TRPC5: variants seen among roughly 807,000 people sequenced by gnomAD.
TRPC5 encodes the protein transient receptor potential cation channel subfamily C member 5, also known as short transient receptor potential channel 5.
TRPC5 carries 9 observed loss-of-function variants against 56.5 expected under a neutral mutation model. The ratio of observed to expected loss-of-function variants is 0.16; its 90% CI spans 0.10 to 0.28. The LOEUF is 0.28. TRPC5 is among the 10% of genes least tolerant of loss of function. The probability of loss-of-function intolerance (pLI) is 1.00; values close to 1 mark genes in which losing one functional copy is unlikely to be tolerated. For missense variants in TRPC5, 469 were observed against 748.9 expected (o/e 0.63, Z 4.36); for synonymous variants, 282 against 278.5 (o/e 1.01, Z -0.13).
intron 5 of TRPC5, among the ~76,000 whole-genome samples, chrX:111,847,885 A>G (rs1446356971): frequency 1.8e-5 from 2 of 110,936 alleles, no homozygotes; most frequent in African/African-American, 6.6e-5. Flanking sequence ...AGCACCATGG[A>G]CAACGTGCTG....
intron 6 of TRPC5, among the ~76,000 whole-genome samples, chrX:111,843,905 T>C (rs1190525616): frequency 9.5e-6 from 1 of 105,202 alleles, no homozygotes; most frequent in African/African-American, 3.6e-5. Flanking sequence ...TGTGTGTGTG[T>C]GTGTGTGTGT....
At chrX:112,031,408 T>C (rs1354022479) in intron 1 of TRPC5, among the ~76,000 whole-genome samples, 2 of 111,961 alleles carry the variant, frequency 1.8e-5, no homozygotes, top group Non-Finnish European at 3.8e-5. Context: ...ACTCAGACAG[T>C]GCTTTTATTG....
chrX:111,803,620 ATG>A (rs1268468873), intron 7 of TRPC5, among the ~76,000 whole-genome samples: 1 of 112,123 alleles, frequency 8.9e-6, no homozygotes, highest in Non-Finnish European at 1.9e-5. Context: ...GCATTTTTTC[ATG>A]TGTCTTTTGG....
intron 7 of TRPC5, among the ~76,000 whole-genome samples, chrX:111,788,750 A>T: frequency 9.0e-6 from 1 of 111,351 alleles, no homozygotes; most frequent in Middle Eastern, 4.6e-3. Flanking sequence ...AAAAATCACA[A>T]GCATTCTTAT....
At position 112,062,399 on chromosome X, in the gene TRPC5, C is replaced by T. The variant is rs558718548; in HGVS notation, c.-22+19480G>A. ...TAATAATTATATAAGAGAATCACTA[C>T]GAAGGGCCAATTGTGATACTTAGAC... On this transcript the variant is annotated intron_variant, in intron 1 of 10. Coordinates refer to ENST00000262839, the MANE Select transcript of TRPC5 (RefSeq NM_012471.3). Among the ~76,000 whole-genome samples, 63 of 110,970 alleles carry T rather than the reference C, an allele frequency of 5.7e-4. No individual in the cohort carries two copies. The South Asian group carries it at 5.8e-3, about 10-fold the overall frequency.
intron 3 of TRPC5, among the ~76,000 whole-genome samples, chrX:111,878,976 A>C (rs1410302521): frequency 8.9e-6 from 1 of 112,110 alleles, no homozygotes; most frequent in African/African-American, 3.2e-5. Flanking sequence ...GCAAGTACTG[A>C]AACAATGCCA....
At chrX:112,035,456 CAT>C (rs58747733) in intron 1 of TRPC5, among the ~76,000 whole-genome samples, 12,632 of 103,374 alleles carry the variant, frequency 0.12, 920 homozygotes, top group African/African-American at 0.26. Context: ...TCCTTGAACT[CAT>C]ATATATATAT....
intron 8 of TRPC5, 73 bp downstream of exon 8, chrX:111,781,862 C>T (rs1199510042): frequency 2.0e-6 from 2 of 1,009,301 alleles, no homozygotes; most frequent in African/African-American, 1.9e-5. Flanking sequence ...TGCCACTGCA[C>T]TCCAGCCTGG....
intron 1 of TRPC5, among the ~76,000 whole-genome samples, chrX:112,058,536 T>C (rs1930390706): frequency 8.9e-6 from 1 of 111,743 alleles, no homozygotes; most frequent in Non-Finnish European, 1.9e-5. Flanking sequence ...ACTAAAAGTA[T>C]CTAAGGCATA....
chrX:111,874,503 G>A (rs1184599861), intron 3 of TRPC5, among the ~76,000 whole-genome samples: 1 of 111,755 alleles, frequency 8.9e-6, no homozygotes, highest in Non-Finnish European at 1.9e-5. Flanking sequence ...TTCCTTCTAG[G>A]GACCAGCATG....
intron 3 of TRPC5, among the ~76,000 whole-genome samples, chrX:111,888,004 G>A (rs1226754363): frequency 8.9e-6 from 1 of 111,950 alleles, no homozygotes; most frequent in African/African-American, 3.3e-5. Flanking sequence ...TTGGGAGGGG[G>A]AGGTTAAAAT....
intron 5 of TRPC5, 67 bp from the exon 6 acceptor site, chrX:111,847,503 CCTTG>C: frequency 4.8e-6 from 5 of 1,037,871 alleles, no homozygotes; most frequent in Non-Finnish European, 6.5e-6. Context: ...TCCCTTTTTT[CCTTG>C]CTTCCATACC....
intron 6 of TRPC5, among the ~76,000 whole-genome samples, chrX:111,839,247 C>T (rs1922655759): frequency 9.0e-6 from 1 of 111,681 alleles, no homozygotes; most frequent in Admixed American, 9.5e-5. Context: ...TGAAGCCCCA[C>T]CTCCTCTAGA....
In TRPC5 at chrX:112,034,297, A is replaced by G. The variant is rs1929665854; in HGVS notation, c.-22+47582T>C. Among the ~76,000 whole-genome samples, 6 of 104,654 alleles carry G rather than the reference A, an allele frequency of 5.7e-5. No individual in the cohort carries two copies. In the Admixed American group the frequency reaches 6.1e-4, roughly 11 times the overall value. The allele number at this position is 104,654 out of a possible 115,157, so 90.9% of individuals were successfully genotyped here. A position where few individuals can be genotyped will look rare whatever the true frequency, so the allele number is the denominator to read the frequency against. On this transcript the variant is annotated intron_variant, in intron 1 of 10. Transcript: ENST00000262839. ...TTTTCATTTATTGAGATTTTCTTTAATTTCTTTTATCATTTTTTGTTTTTT... is the reference window on the plus strand; with the variant it reads ...TTTTCATTTATTGAGATTTTCTTTAGTTTCTTTTATCATTTTTTGTTTTTT...
At position 111,768,760 on chromosome X, in the gene TRPC5, G is replaced by A. The variant is rs988039181; in HGVS notation, c.*7553C>T. Among the ~76,000 whole-genome samples the A allele has an allele frequency of 3.6e-5, 4 of 111,450 alleles. No individual in the cohort carries two copies. The highest frequency in any genetic ancestry group is 7.5e-5 in the Non-Finnish European group (4 of 52,990). On this transcript the variant is annotated 3_prime_UTR_variant, in exon 11 of 11. Coordinates refer to ENST00000262839, the MANE Select transcript of TRPC5 (RefSeq NM_012471.3). ...ATGTGTTAACCCTTTGGGTTTAGAG[G>A]ACTCTTCATGTGCTCACATAATATT...
At chrX:111,994,683 C>G (rs1339869670) in intron 1 of TRPC5, among the ~76,000 whole-genome samples, 3 of 111,352 alleles carry the variant, frequency 2.7e-5, no homozygotes, top group Non-Finnish European at 5.6e-5. Flanking sequence ...TGGGAGTTCA[C>G]TCACGATTTG....
intron 7 of TRPC5, among the ~76,000 whole-genome samples, chrX:111,825,173 TTC>T (rs1456003919): frequency 1.2e-4 from 10 of 82,619 alleles, no homozygotes; most frequent in African/African-American, 3.0e-4. Context: ...CTTTCTTTCT[TTC>T]TTTCTTTCTT....
intron 1 of TRPC5, among the ~76,000 whole-genome samples, chrX:112,065,574 T>C (rs1930564306): frequency 8.9e-6 from 1 of 112,264 alleles, no homozygotes; most frequent in Admixed American, 9.4e-5. Context: ...AATTTGATTG[T>C]CATAACTTTG....
intron 1 of TRPC5, among the ~76,000 whole-genome samples, chrX:112,067,887 C>T (rs891948305): frequency 1.8e-5 from 2 of 112,228 alleles, no homozygotes; most frequent in Non-Finnish European, 3.8e-5. Flanking sequence ...AGAAGTTAAC[C>T]GAATCCTTGA....
Sources: allele counts gnomAD v4.1 joint callset (sites outside exome capture counted in the v4.1 genomes callset), GRCh38; gene constraint gnomAD v4.1.1; transcripts MANE v1.5; gene names NCBI Gene and HGNC (gene_info 2026-07-23, HGNC 2026-07-21).